The following HLA-DPB1 variants were observed in gnomAD, a reference collection of about 807,000 sequenced individuals.
HLA-DPB1 encodes HLA class II histocompatibility antigen, DP beta 1 chain.
In HLA-DPB1, 30 loss-of-function variants were observed where a neutral mutation model predicts 29.4. That is an observed-to-expected ratio of 1.02 (90% CI 0.76 to 1.38). The LOEUF is 1.38. HLA-DPB1 is among the 40% of genes most tolerant of loss of function. The probability of loss-of-function intolerance (pLI) is 0.00; values close to 1 mark genes in which losing one functional copy is unlikely to be tolerated. For synonymous variants in HLA-DPB1, 114 were observed against 134.0 expected (o/e 0.85, Z 1.03); for missense variants, 261 against 327.5 (o/e 0.80, Z 1.57).
chr6:33,089,121 G>A lies in HLA-DPB1; in HGVS notation c.*2587G>A, dbSNP rs1222047323. On this transcript the variant is annotated 3_prime_UTR_variant, in exon 6 of 6. Coordinates refer to ENST00000418931, the MANE Select transcript of HLA-DPB1 (RefSeq NM_002121.6). ...TGGAAGGAGGTGGGAGTTGGGCATC[G>A]GGTGTGAAGATGCTCTTGAAAGGGG... is the stretch of plus-strand genomic sequence containing the variant. Among the ~76,000 whole-genome samples the A allele has an allele frequency of 1.3e-5, 2 of 152,120 alleles. No individual in the cohort carries two copies. Among genetic ancestry groups the A allele is most frequent in the East Asian group, 1.9e-4 (1 of 5,182 alleles).
At chr6:33,082,401 C>T (rs115444212) in intron 2 of HLA-DPB1, among the ~76,000 whole-genome samples, 22,965 of 151,596 alleles carry the variant, frequency 0.15, 3,475 homozygotes, top group African/African-American at 0.39. Flanking sequence ...CTCTGTGATG[C>T]ACAGATCTCC....
chr6:33,076,148 G>T lies in HLA-DPB1; in HGVS notation c.100+7G>T, dbSNP rs753743910. 1.9e-6 allele frequency: 3 copies of T among 1,581,438 alleles called. No individual in the cohort carries two copies. The highest frequency in any genetic ancestry group is 3.4e-5 in the Admixed American group (2 of 58,684). ...CAGGGCAGGGCCACTCCAGGTAAGA[G>T]CCGAACTGCCATTCTTGGAGGGTCT... On this transcript the variant is annotated splice_region_variant and intron_variant, in intron 1 of 5. Transcript: ENST00000418931.
At chr6:33,076,205 C>A in intron 1 of HLA-DPB1, 64 bp downstream of exon 1, 1 of 1,110,036 alleles carries the variant, frequency 9.0e-7, no homozygotes, top group Non-Finnish European at 1.3e-6. Context: ...GGGACGTTAT[C>A]TTTAAGGGAT....
At chr6:33,085,702 C>T in intron 3 of HLA-DPB1, 77 bp from the exon 4 acceptor site, 1 of 994,214 alleles carries the variant, frequency 1.0e-6, no homozygotes, top group African/African-American at 1.6e-5. Context: ...CTGCATCAGG[C>T]TCCAGAATCT....
rs3130188 is a variant in HLA-DPB1 at position 33,089,399 on chromosome 6, T to C, written c.*2865T>C. ...CCCAGATATCCAGGTTTGGCTCATGTTACACGTCCAAAGTAAGTCATGCAG... is the reference window on the plus strand; with the variant it reads ...CCCAGATATCCAGGTTTGGCTCATGCTACACGTCCAAAGTAAGTCATGCAG... On this transcript the variant is annotated 3_prime_UTR_variant, in exon 6 of 6. Coordinates refer to ENST00000418931, the MANE Select transcript of HLA-DPB1 (RefSeq NM_002121.6). Among the ~76,000 whole-genome samples, 57,804 of 151,984 alleles carry C rather than the reference T, an allele frequency of 0.38. 12,422 individuals are homozygous for C. Among genetic ancestry groups the C allele is most frequent in the East Asian group, 0.64 (3,306 of 5,156 alleles).
At chr6:33,085,942 C>A in intron 4 of HLA-DPB1, 53 bp downstream of exon 4, 3 of 1,202,224 alleles carry the variant, frequency 2.5e-6, no homozygotes, top group Non-Finnish European at 3.6e-6. Flanking sequence ...CATATTCACA[C>A]TTATTCCACG....
intron 2 of HLA-DPB1, among the ~76,000 whole-genome samples, chr6:33,082,906 A>G (rs3097674): frequency 0.37 from 56,995 of 152,044 alleles, 12,286 homozygotes; most frequent in East Asian, 0.63. Context: ...CCTGGAGGTC[A>G]CTGATGTGGC....
At chr6:33,078,026 A>G (rs1051576831) in intron 1 of HLA-DPB1, among the ~76,000 whole-genome samples, 7 of 152,174 alleles carry the variant, frequency 4.6e-5, no homozygotes, top group African/African-American at 1.7e-4. Flanking sequence ...CACTGGTGAC[A>G]CTGAACAGTG....
chr6:33,078,953 G>A (rs1353589940), intron 1 of HLA-DPB1, among the ~76,000 whole-genome samples: 1 of 152,132 alleles, frequency 6.6e-6, no homozygotes, highest in African/African-American at 2.4e-5. Context: ...GGGGGCTCTG[G>A]GCCTGGAATT....
chr6:33,083,906 C>T (rs9277411), intron 2 of HLA-DPB1: 56,717 of 150,264 alleles, frequency 0.38, 12,347 homozygotes, highest in East Asian at 0.64. Context: ...GGAGGCAACA[C>T]CTGGTCATCT....
intron 1 of HLA-DPB1, chr6:33,079,520 C>T (rs1377691935): frequency 2.7e-6 from 1 of 363,684 alleles, no homozygotes. Flanking sequence ...CATGAGGCAC[C>T]AATCAGACTG....
Position 33,085,868 on chromosome 6 carries a change from A to C in HLA-DPB1, c.736A>C (p.Met246Leu). Reference protein sequence around the residue: ...GLIICGVGIFMHRRSKKVQRG... With the variant: ...GLIICGVGIFLHRRSKKVQRG... ...CATCATCTGTGGAGTGGGCATCTTCATGCACAGGAGGAGCAAGAAAGGTGA... is the reference window on the plus strand; with the variant it reads ...CATCATCTGTGGAGTGGGCATCTTCCTGCACAGGAGGAGCAAGAAAGGTGA... The change falls in exon 4 of 6, where the codon ATG (methionine) becomes CTG (leucine). Residue 246 changes from methionine (M) to leucine (L), a missense_variant. Coordinates refer to ENST00000418931, the MANE Select transcript of HLA-DPB1 (RefSeq NM_002121.6). 1 of 1,612,996 alleles carries C rather than the reference A, an allele frequency of 6.2e-7. No homozygotes were observed. The highest frequency in any genetic ancestry group is 8.5e-7 in the Non-Finnish European group (1 of 1,179,144).
At chr6:33,077,367 C>A (rs1024369254) in intron 1 of HLA-DPB1, among the ~76,000 whole-genome samples, 3 of 151,996 alleles carry the variant, frequency 2.0e-5, no homozygotes, top group South Asian at 2.1e-4. Context: ...TGAATAGTGC[C>A]GCAATAAACA....
At chr6:33,085,304 C>T (rs1452201738) in intron 3 of HLA-DPB1, 73 bp downstream of exon 3, 1 of 1,306,644 alleles carries the variant, frequency 7.7e-7, no homozygotes, top group Non-Finnish European at 1.1e-6. Context: ...GTCCACTCAT[C>T]TTATCTTCTG....
intron 2 of HLA-DPB1, 169 bp downstream of exon 2, chr6:33,081,104 C>A: frequency 7.8e-6 from 6 of 768,436 alleles, no homozygotes; most frequent in Non-Finnish European, 1.2e-5. Context: ...GGAGCGAGCG[C>A]GGGGACCTGG....
At position 33,080,693 on chromosome 6, in the gene HLA-DPB1, G is replaced by T. The variant is rs41540313; in HGVS notation, c.122G>T (p.Arg41Leu). 3.7e-6 allele frequency: 6 copies of T among 1,612,942 alleles called. No individual in the cohort carries two copies. The highest frequency in any genetic ancestry group is 1.3e-5 in the African/African-American group (1 of 75,028). The change falls in exon 2 of 6, where the codon CGG (arginine) becomes CTG (leucine). Residue 41 changes from arginine to leucine, a missense_variant. Coordinates refer to ENST00000418931, the MANE Select transcript of HLA-DPB1 (RefSeq NM_002121.6). The surrounding 1 kb of genome is among the most constrained non-coding windows in gnomAD (Gnocchi z 4.3). ...GCAGAGAATTACCTTTTCCAGGGAC[G>T]GCAGGAATGCTACGCGTTTAATGGG... ...ATPENYLFQG[R>L]QECYAFNGTQ...
At chr6:33,084,849 AAAGG>A (rs150519959) in intron 2 of HLA-DPB1, 97 bp from the exon 3 acceptor site, 45,026 of 657,842 alleles carry the variant, frequency 0.068, 3,756 homozygotes, top group Middle Eastern at 0.14. Flanking sequence ...GTCTCAAAAA[AAAGG>A]AAGGAAGGAA....
In HLA-DPB1 at chr6:33,080,825, C is replaced by A. The variant is rs1042131; in HGVS notation, c.254C>A (p.Ala85Glu). ...RAVTELGRPA[A>E]EYWNSQKDIL... The stretch of plus-strand genomic sequence containing the variant: ...GTGACGGAGCTGGGGCGGCCTGCTG[C>A]GGAGTACTGGAACAGCCAGAAGGAC... The change falls in exon 2 of 6, where the codon GCG becomes GAG. Residue 85 changes from alanine to glutamate, a missense_variant. By Grantham distance (107) the Ala-to-Glu change is moderately radical. Transcript: ENST00000418931. This position sits in a 1 kb window ranked among gnomAD's most constrained non-coding sequence, Gnocchi z 4.3. 0.43 allele frequency: 684,884 copies of A among 1,594,028 alleles called. 145,729 individuals carry two copies. Among genetic ancestry groups the A allele is most frequent in the Admixed American group, 0.62 (36,872 of 59,592 alleles).
rs707958 is a variant in HLA-DPB1 at position 33,080,822 on chromosome 6, C to A, written c.251C>A (p.Ala84Asp). ...FRAVTELGRPAAEYWNSQKDI... is the reference protein window; with the variant it reads ...FRAVTELGRPDAEYWNSQKDI... ...GCGGTGACGGAGCTGGGGCGGCCTGCTGCGGAGTACTGGAACAGCCAGAAG... is the reference window on the plus strand; with the variant it reads ...GCGGTGACGGAGCTGGGGCGGCCTGATGCGGAGTACTGGAACAGCCAGAAG... The change falls in exon 2 of 6, where the codon GCT (alanine) becomes GAT (aspartate). Residue 84 changes from alanine (A) to aspartate (D), a missense_variant. Transcript: ENST00000418931. This position sits in a 1 kb window ranked among gnomAD's most constrained non-coding sequence, Gnocchi z 4.3. 0.47 allele frequency: 755,571 copies of A among 1,593,046 alleles called. 179,465 individuals carry two copies. The highest frequency in any genetic ancestry group is 0.88 in the East Asian group (39,297 of 44,720).
Sources: gnomAD v4.1 joint callset for allele counts (sites outside exome capture counted in the v4.1 genomes callset) on GRCh38, gnomAD v4.1.1 for gene constraint, Gnocchi (gnomAD v3.1) non-coding constraint, MANE v1.5 for transcripts, NCBI Gene and HGNC (gene_info 2026-07-23, HGNC 2026-07-21) for gene names.